Variants in NRG3 observed in about 807,000 individuals in gnomAD.
The protein encoded by NRG3 is neuregulin 3, also known as pro-neuregulin-3, membrane-bound isoform.
Under a neutral mutation model 66.9 loss-of-function variants are expected in NRG3, and 31 were observed. The ratio of observed to expected loss-of-function variants is 0.46; its 90% CI spans 0.35 to 0.63. The LOEUF (loss-of-function observed/expected upper bound fraction) is 0.63, where lower values mean the gene tolerates loss of function less well. NRG3 is among the 20% of genes least tolerant of loss of function. NRG3 has a pLI of 0.00. For missense variants in NRG3, 910 were observed against 878.9 expected, an observed-to-expected ratio of 1.04 and a Z score of -0.45; for synonymous variants, 393 against 359.4, an observed-to-expected ratio of 1.09 and a Z score of -1.06.
chr10:82,761,127 A>G (rs2059288271), intron 3 of NRG3, among the ~76,000 whole-genome samples: 1 of 151,984 alleles, frequency 6.6e-6, no homozygotes, highest in Non-Finnish European at 1.5e-5. Context: ...AGAAGAAAAT[A>G]TAGAATATTT....
At chr10:82,404,884 CT>C (rs1444887043) in intron 2 of NRG3, among the ~76,000 whole-genome samples, 2 of 152,064 alleles carry the variant, frequency 1.3e-5, no homozygotes, top group Non-Finnish European at 2.9e-5. Flanking sequence ...ATTTTTTTCC[CT>C]GTCAGCATGG....
intron 3 of NRG3, among the ~76,000 whole-genome samples, chr10:82,860,730 A>G (rs1013083084): frequency 6.6e-6 from 1 of 152,232 alleles, no homozygotes; most frequent in African/African-American, 2.4e-5. Context: ...AAAGGAAGGA[A>G]GTTATATGTT....
rs1442728372 is a variant in NRG3, at chr10:82,492,848, C to G, written c.953+133980C>G. On this transcript the variant is annotated intron_variant, in intron 2 of 8. Coordinates refer to ENST00000372141, the MANE Select transcript of NRG3 (RefSeq NM_001010848.4). ...GGTCAGTGATCTCTCTAATGTTAGG[C>G]ACCAAGGTCCACTTCACTATTTTAC... is the stretch of plus-strand genomic sequence containing the variant. Among the ~76,000 whole-genome samples, 5 of 152,200 alleles carry G rather than the reference C, an allele frequency of 3.3e-5. No individual in the cohort carries two copies. In the East Asian group the frequency reaches 9.6e-4, roughly 29 times the overall value.
intron 5 of NRG3, among the ~76,000 whole-genome samples, chr10:82,951,887 G>A (rs1849547590): frequency 6.6e-6 from 1 of 152,206 alleles, no homozygotes; most frequent in Non-Finnish European, 1.5e-5. Context: ...AGGGCTTGGT[G>A]TCTGCCTGTC....
At chr10:82,623,524 C>A (rs138359895) in intron 2 of NRG3, among the ~76,000 whole-genome samples, 23 of 152,230 alleles carry the variant, frequency 1.5e-4, no homozygotes, top group African/African-American at 5.1e-4. Context: ...ATGTGCCAGG[C>A]ATTATGATGG....
chr10:82,531,532 C>T (rs1040632443), intron 2 of NRG3, among the ~76,000 whole-genome samples: 1 of 151,446 alleles, frequency 6.6e-6, no homozygotes, highest in African/African-American at 2.4e-5. Context: ...CCAACATAAG[C>T]CAATTTATTA....
At chr10:81,937,822 C>G (rs551572444) in intron 1 of NRG3, among the ~76,000 whole-genome samples, 1 of 152,054 alleles carries the variant, frequency 6.6e-6, no homozygotes, top group South Asian at 2.1e-4. Flanking sequence ...ATCGCCAAAT[C>G]TAATGTTATA....
At chr10:82,892,665 CAATAAATAAATAAATAAATA>C (rs369613241) in intron 4 of NRG3, among the ~76,000 whole-genome samples, 1 of 146,558 alleles carries the variant, frequency 6.8e-6, no homozygotes, top group Non-Finnish European at 1.5e-5. Flanking sequence ...TAACCTGTCT[CAATAAATAAATAAATAAATA>C]AATAAATAAA....
rs533914222 is a variant in NRG3 at position 82,877,858 on chromosome 10, T to C, written c.1054+12421T>C. Among the ~76,000 whole-genome samples, 56 of 152,322 alleles carry C rather than the reference T, an allele frequency of 3.7e-4. 1 individual carries two copies. The highest frequency in any genetic ancestry group is 1.2e-3 in the African/African-American group (51 of 41,576). On this transcript the variant is annotated intron_variant, in intron 4 of 8. Transcript: ENST00000372141. ...AATAGGAGTTGAGTTCACATACATGTGGAAAACATTAGGTTCTGTACCTCT... is the reference window on the plus strand; with the variant it reads ...AATAGGAGTTGAGTTCACATACATGCGGAAAACATTAGGTTCTGTACCTCT...
At chr10:82,201,196 CAAA>C (rs35232518) in intron 1 of NRG3, among the ~76,000 whole-genome samples, 5 of 78,038 alleles carry the variant, frequency 6.4e-5, no homozygotes, top group African/African-American at 4.8e-5. Context: ...GACTCTGTCT[CAAA>C]AAAAAAAAAA....
rs542241893 is a variant in NRG3, at chr10:82,875,204, C to A, written c.1054+9767C>A. 2.6e-5 allele frequency among the ~76,000 whole-genome samples: 4 copies of A among 152,242 alleles called. No individual in the cohort carries two copies. In the East Asian group the frequency reaches 7.7e-4, roughly 29 times the overall value. On this transcript the variant is annotated intron_variant, in intron 4 of 8. Transcript: ENST00000372141. ...GCCATTGGGGTATAAAGGCCTTACT[C>A]ATTTATCTCCTCTGATAGAAAACAT...
chr10:82,884,820 T>C (rs1369909303), intron 4 of NRG3, among the ~76,000 whole-genome samples: 1 of 152,234 alleles, frequency 6.6e-6, no homozygotes, highest in Non-Finnish European at 1.5e-5. Flanking sequence ...ATTAGTGTTC[T>C]TGCTGTTGCC....
At chr10:82,111,251 G>T (rs771111982) in intron 1 of NRG3, among the ~76,000 whole-genome samples, 2 of 152,062 alleles carry the variant, frequency 1.3e-5, no homozygotes, top group Admixed American at 1.3e-4. Flanking sequence ...TTATCACTTC[G>T]TCAGCTTACA....
intron 1 of NRG3, among the ~76,000 whole-genome samples, chr10:82,074,774 C>A (rs1413991252): frequency 1.3e-5 from 2 of 152,330 alleles, no homozygotes; most frequent in Admixed American, 1.3e-4. Context: ...GAATTGGAGG[C>A]TGCAGTGAGC....
intron 1 of NRG3, among the ~76,000 whole-genome samples, chr10:82,322,612 G>A (rs1017923433): frequency 1.3e-5 from 2 of 151,644 alleles, no homozygotes; most frequent in Admixed American, 6.6e-5. Context: ...AACCTTCATT[G>A]ATTTGCTTTC....
At chr10:82,795,532 C>A (rs755197589) in intron 3 of NRG3, among the ~76,000 whole-genome samples, 1 of 152,144 alleles carries the variant, frequency 6.6e-6, no homozygotes, top group South Asian at 2.1e-4. Flanking sequence ...AACATTACAA[C>A]AAATTTCTTT....
chr10:81,961,734 T>C (rs2133281515), intron 1 of NRG3, among the ~76,000 whole-genome samples: 1 of 152,388 alleles, frequency 6.6e-6, no homozygotes, highest in Non-Finnish European at 1.5e-5. Context: ...TAAAATTTGA[T>C]ATAATTCAGC....
At chr10:82,501,266 C>T (rs995663674) in intron 2 of NRG3, among the ~76,000 whole-genome samples, 16 of 152,074 alleles carry the variant, frequency 1.1e-4, no homozygotes, top group Non-Finnish European at 2.2e-4. Flanking sequence ...ATCTATTGTC[C>T]ACACTGTGCA....
intron 4 of NRG3, among the ~76,000 whole-genome samples, chr10:82,931,122 G>A (rs896411342): frequency 6.6e-6 from 1 of 152,210 alleles, no homozygotes; most frequent in South Asian, 2.1e-4. Context: ...GCTTTGTTCT[G>A]CTCCCTCTTG....
Sources: allele counts gnomAD v4.1 joint callset (sites outside exome capture counted in the v4.1 genomes callset), GRCh38; gene constraint gnomAD v4.1.1; transcripts MANE v1.5; gene names NCBI Gene and HGNC (gene_info 2026-07-23, HGNC 2026-07-21).